The following ATP13A1 variants were observed in gnomAD, a reference collection of about 807,000 sequenced individuals.
The protein encoded by ATP13A1 is ATPase 13A1.
Under a neutral mutation model 134.8 loss-of-function variants are expected in ATP13A1, and 55 were observed. The ratio of observed to expected loss-of-function variants is 0.41; its 90% CI spans 0.33 to 0.51. The LOEUF (loss-of-function observed/expected upper bound fraction) is 0.51. Among genes scored for constraint, ATP13A1 ranks in the 20% least tolerant of loss-of-function variants. ATP13A1 has a pLI of 0.29. For synonymous variants in ATP13A1, 775 were observed against 725.1 expected (o/e 1.07, Z -1.10); for missense variants, 1,389 against 1,652.8 (o/e 0.84, Z 2.77).
At position 19,659,982 on chromosome 19, in the gene ATP13A1, G is replaced by A. The variant is rs111834843; in HGVS notation, c.402C>T (p.Tyr134=). 382 of 1,567,474 alleles carry A rather than the reference G, an allele frequency of 2.4e-4. No individual in the cohort carries two copies. In the African/African-American group the frequency reaches 4.5e-3, roughly 19 times the overall value. ...TCACAAAGGTCGCTTTGCTGGGGTC[G>A]TACTCCTGACAGAGACAAAGAAAGC... is the stretch of plus-strand genomic sequence containing the variant. The part of the protein sequence containing the change: ...AHCALTCTPE[Y]DPSKATFVKV... The change falls in exon 2 of 26, where the codon TAC becomes TAT. Residue 134 remains tyrosine (Y), a synonymous_variant. Transcript: ENST00000357324.
intron 1 of ATP13A1, among the ~76,000 whole-genome samples, chr19:19,661,363 G>T (rs1040941860): frequency 2.0e-5 from 3 of 152,080 alleles, no homozygotes; most frequent in African/African-American, 7.2e-5. Flanking sequence ...AGCTCCACAC[G>T]CACATGGGGC....
rs1313184012 is a variant in ATP13A1, at chr19:19,663,649, C to T, written c.18G>A (p.Ala6=). 3 of 1,294,578 alleles carry T rather than the reference C, an allele frequency of 2.3e-6. No homozygotes were observed. The highest frequency in any genetic ancestry group is 2.0e-6 in the Non-Finnish European group (2 of 1,022,830). The allele number at this position is 1,294,578 out of a possible 1,614,324, so 80.2% of individuals were successfully genotyped here. Residue 6 remains alanine (A), a synonymous_variant, in exon 1 of 26, where the codon GCG becomes GCA. Transcript: ENST00000357324. ...CCCCGCAGGGCACCGCGTTGCCCAC[C>T]GCCGCCGCTGCCGCCATCTTTCCTA... MAAAA[A]VGNAVPCGAR... is the part of the protein sequence containing the mutation.
chr19:19,663,523 C>T lies in ATP13A1; in HGVS notation c.144G>A (p.Glu48=), dbSNP rs1005731901. ...GGTACGGCCACACGGCAGCCACCAG[C>T]TCGTCACCGTTCGCTATGAGCGCCG... is the stretch of plus-strand genomic sequence containing the variant. The part of the protein sequence containing the change: ...AGPALIANGD[E]LVAAVWPYRR... Residue 48 remains glutamate, a synonymous_variant, in exon 1 of 26, where the codon GAG becomes GAA. Coordinates refer to ENST00000357324, the MANE Select transcript of ATP13A1 (RefSeq NM_020410.3). 6.5e-7 allele frequency: 1 copy of T among 1,531,326 alleles called. No homozygotes were observed. The highest frequency in any genetic ancestry group is 1.2e-5 in the South Asian group (1 of 83,574). The allele number at this position is 1,531,326 out of a possible 1,614,324, so 94.9% of individuals were successfully genotyped here. A position where few individuals can be genotyped will look rare whatever the true frequency, so the allele number is the denominator to read the frequency against.
At chr19:19,651,636 G>T in intron 17 of ATP13A1, 53 bp downstream of exon 17, 2 of 1,461,732 alleles carry the variant, frequency 1.4e-6, no homozygotes, top group Non-Finnish European at 1.9e-6. Context: ...GATGGGAGCT[G>T]TTCTTGGACT....
rs1317373331 is a variant in ATP13A1 at position 19,656,918 on chromosome 19, TG to T, written c.907-3del. ...CCTCCACTTGCGGCTTCGGTAGACC[TG>T]GGCGGGGCATGGGTGTCAGCACAGA... On this transcript the variant is annotated splice_polypyrimidine_tract_variant and splice_region_variant and intron_variant, in intron 5 of 25. Coordinates refer to ENST00000357324, the MANE Select transcript of ATP13A1 (RefSeq NM_020410.3). This position sits in a 1 kb window ranked among gnomAD's most constrained non-coding sequence, Gnocchi z 4.6. 3.7e-6 allele frequency: 6 copies of T among 1,610,208 alleles called. No homozygotes were observed. Among genetic ancestry groups the T allele is most frequent in the Non-Finnish European group, 5.1e-6 (6 of 1,178,672 alleles).
In ATP13A1 at chr19:19,656,347, T is replaced by C. The variant is rs2062058191; in HGVS notation, c.1084-164A>G. Among the ~76,000 whole-genome samples the C allele has an allele frequency of 6.6e-6, 1 of 152,052 alleles. No individual in the cohort carries two copies. Among genetic ancestry groups the C allele is most frequent in the African/African-American group, 2.4e-5 (1 of 41,398 alleles). ...AGATCCTCACCCTCACCCCGTCCTG[T>C]CTTCTCCCCATTGCACTCACAGTGC... is the stretch of plus-strand genomic sequence containing the variant. On this transcript the variant is annotated intron_variant, in intron 7 of 25. Coordinates refer to ENST00000357324, the MANE Select transcript of ATP13A1 (RefSeq NM_020410.3). This position sits in a 1 kb window ranked among gnomAD's most constrained non-coding sequence, Gnocchi z 4.6.
At position 19,645,256 on chromosome 19, in the gene ATP13A1, G is replaced by C; in HGVS notation, c.*166C>G. On this transcript the variant is annotated 3_prime_UTR_variant, in exon 26 of 26. Coordinates refer to ENST00000357324, the MANE Select transcript of ATP13A1 (RefSeq NM_020410.3). The surrounding 1 kb of genome is among the most constrained non-coding windows in gnomAD (Gnocchi z 4.1). ...AAGGTGCTGGCTTGGGGCTGGTTCT[G>C]CTGGCCAAGCCAGCGGATGGCTGTG... is the stretch of plus-strand genomic sequence containing the variant. The C allele has an allele frequency of 2.7e-6, 2 of 744,580 alleles. No individual in the cohort carries two copies. Among genetic ancestry groups the C allele is most frequent in the South Asian group, 1.9e-5 (1 of 53,310 alleles). 46.1% of individuals were successfully genotyped at this position (744,580 alleles called of 1,614,324 possible).
intron 3 of ATP13A1, among the ~76,000 whole-genome samples, chr19:19,657,789 A>G (rs1316929696): frequency 6.6e-6 from 1 of 152,212 alleles, no homozygotes; most frequent in Non-Finnish European, 1.5e-5. Context: ...CTGAAGCTAC[A>G]GACAGCAGAA....
At position 19,653,454 on chromosome 19, in the gene ATP13A1, G is replaced by A; in HGVS notation, c.2100+330C>T. ...AGATGTGCCGGTGGTGGAGGCGGAG[G>A]GTGGGCTTTGTGGAGGATGGATGGG... On this transcript the variant is annotated intron_variant, in intron 15 of 25. Coordinates refer to ENST00000357324, the MANE Select transcript of ATP13A1 (RefSeq NM_020410.3). The surrounding 1 kb of genome is among the most constrained non-coding windows in gnomAD (Gnocchi z 4.2). The A allele has an allele frequency of 2.7e-6, 1 of 376,290 alleles. No homozygotes were observed. Among genetic ancestry groups the A allele is most frequent in the South Asian group, 4.1e-5 (1 of 24,506 alleles). The allele number at this position is 376,290 out of a possible 1,614,324, so 23.3% of individuals were successfully genotyped here. A position where few individuals can be genotyped will look rare whatever the true frequency, so the allele number is the denominator to read the frequency against.
Position 19,659,958 on chromosome 19 carries a change from C to A in ATP13A1, c.426G>T (p.Val142=). The part of the protein sequence containing the change: ...PEYDPSKATF[V]KVVPTPNNGS... Reference sequence around the variant, plus strand: ...CATTGTTGGGGGTTGGCACCACCTTCACAAAGGTCGCTTTGCTGGGGTCGT... The same window carrying A: ...CATTGTTGGGGGTTGGCACCACCTTAACAAAGGTCGCTTTGCTGGGGTCGT... Residue 142 remains valine, a synonymous_variant, in exon 2 of 26, where the codon GTG becomes GTT. Coordinates refer to ENST00000357324, the MANE Select transcript of ATP13A1 (RefSeq NM_020410.3). The A allele has an allele frequency of 6.3e-7, 1 of 1,581,530 alleles. No homozygotes were observed. Among genetic ancestry groups the A allele is most frequent in the Non-Finnish European group, 8.6e-7 (1 of 1,165,166 alleles).
At chr19:19,646,135 GAA>G in intron 23 of ATP13A1, 68 bp downstream of exon 23, 2 of 1,606,564 alleles carry the variant, frequency 1.2e-6, no homozygotes, top group South Asian at 1.1e-5. Context: ...CTCTCCTGCT[GAA>G]GTCTGTGGAG....
intron 3 of ATP13A1, among the ~76,000 whole-genome samples, chr19:19,658,086 C>T (rs2062070877): frequency 7.0e-6 from 1 of 142,224 alleles, no homozygotes; most frequent in African/African-American, 2.6e-5. Flanking sequence ...GAGTTCAAGG[C>T]TACAGTGAGC....
rs143957723 is a variant in ATP13A1 at position 19,657,821 on chromosome 19, C to A, written c.678-413G>T. Among the ~76,000 whole-genome samples, 11 of 152,150 alleles carry A rather than the reference C, an allele frequency of 7.2e-5. No individual in the cohort carries two copies. The East Asian group carries it at 2.1e-3, about 29-fold the overall frequency. ...AGAAGACACTGAGACCCAGCCCCAC[C>A]AAAGCTGAGATTTTCTATGATTCCT... On this transcript the variant is annotated intron_variant, in intron 3 of 25. Coordinates refer to ENST00000357324, the MANE Select transcript of ATP13A1 (RefSeq NM_020410.3).
At position 19,651,701 on chromosome 19, in the gene ATP13A1, G is replaced by A. The variant is rs1166872929; in HGVS notation, c.2323C>T (p.Pro775Ser). The change falls in exon 17 of 26, where the codon CCC becomes TCC. Residue 775 changes from proline to serine, a missense_variant. Pro to Ser is a moderately conservative substitution (Grantham distance 74). This residue lies in a region of ATP13A1 where 747 missense variants were observed against 956.1 expected (regional missense o/e 0.78). Transcript: ENST00000357324. ...GCTAGGGCCTCACCTTTCTCGGAGG[G>A]AGGCTGCAGGATCAGCGTGTGGGCC... ...EKAHTLILQP[P>S]SEKGRQCEWR... 11 of 1,611,504 alleles carry A rather than the reference G, an allele frequency of 6.8e-6. No homozygotes were observed. The highest frequency in any genetic ancestry group is 1.3e-5 in the African/African-American group (1 of 74,838).
chr19:19,654,280 G>A, intron 13 of ATP13A1, 136 bp from the exon 14 acceptor site: 2 of 1,075,450 alleles, frequency 1.9e-6, no homozygotes, highest in Middle Eastern at 3.1e-4. Context: ...TAGAGCAGGT[G>A]TTGGTCCAGA....
At chr19:19,662,287 G>A in intron 1 of ATP13A1, 10 of 985,424 alleles carry the variant, frequency 1.0e-5, no homozygotes, top group South Asian at 4.7e-5. Flanking sequence ...GGATAGATAA[G>A]TCTTTTTGAA....
rs764276728 is a variant in ATP13A1, at chr19:19,647,158, C to T, written c.3076G>A (p.Gly1026Ser). Residue 1026 changes from glycine (G) to serine (S), a missense_variant, in exon 22 of 26, where the codon GGC becomes AGC. Gly to Ser is a moderately conservative substitution (Grantham distance 56). This residue lies in a region of ATP13A1 where 228 missense variants were observed against 321.0 expected (regional missense o/e 0.71). Transcript: ENST00000357324. The surrounding 1 kb of genome is among the most constrained non-coding windows in gnomAD (Gnocchi z 4.8). ...QATLQGLLLA[G>S]CFLFISRSKP... ...GAACGGGAGATGAAGAGGAAGCAGC[C>T]GGCCAGCAGCAGCCCCTGTAGGGTG... 28 of 1,613,186 alleles carry T rather than the reference C, an allele frequency of 1.7e-5. No individual in the cohort carries two copies. In the East Asian group the frequency reaches 2.2e-4, roughly 13 times the overall value.
At position 19,656,100 on chromosome 19, in the gene ATP13A1, C is replaced by G. The variant is rs576729817; in HGVS notation, c.1167G>C (p.Lys389Asn). The G allele has an allele frequency of 1.4e-5, 23 of 1,613,760 alleles. 1 individual carries two copies. The South Asian group carries it at 2.5e-4, about 18-fold the overall frequency. Residue 389 changes from lysine (K) to asparagine (N), a missense_variant, in exon 8 of 26, where the codon AAG becomes AAC. Physicochemically the swap from Lys to Asn is moderately conservative, Grantham distance 94 (BLOSUM62 0). Transcript: ENST00000357324. The surrounding 1 kb of genome is among the most constrained non-coding windows in gnomAD (Gnocchi z 4.6). ...TCTGTGGGGGGATGTGCTGCACCAC[C>G]TTGGTGCCCCCGAAGATGACGTGCA... is the stretch of plus-strand genomic sequence containing the variant. ...SRLHVIFGGT[K>N]VVQHIPPQKA...
chr19:19,649,991 G>A (rs1165875225), intron 17 of ATP13A1, 51 bp from the exon 18 acceptor site: 5 of 1,491,182 alleles, frequency 3.4e-6, no homozygotes, highest in East Asian at 2.5e-5. Flanking sequence ...ACCGGGCTCA[G>A]AAGCACCCTC....
Sources: allele counts gnomAD v4.1 joint callset (sites outside exome capture counted in the v4.1 genomes callset), GRCh38; gene constraint gnomAD v4.1.1; regional missense constraint gnomAD v4.1.1; non-coding constraint Gnocchi (gnomAD v3.1); transcripts MANE v1.5; gene names NCBI Gene and HGNC (gene_info 2026-07-23, HGNC 2026-07-21).